Variants in ANKRD28 observed in about 807,000 individuals in gnomAD.
The protein encoded by ANKRD28 is serine/threonine-protein phosphatase 6 regulatory ankyrin repeat subunit A.
ANKRD28 carries 44 observed loss-of-function variants against 126.5 expected under a neutral mutation model. The ratio of observed to expected loss-of-function variants is 0.35; its 90% CI spans 0.27 to 0.45. ANKRD28 has a LOEUF of 0.45. ANKRD28 is among the 20% of genes least tolerant of loss of function. ANKRD28 has a pLI of 1.00. For synonymous variants in ANKRD28, 442 were observed against 468.5 expected, an observed-to-expected ratio of 0.94 and a Z score of 0.73; for missense variants, 1,110 against 1,316.6, an observed-to-expected ratio of 0.84 and a Z score of 2.43.
intron 1 of ANKRD28, among the ~76,000 whole-genome samples, chr3:15,842,620 G>C (rs1468622356): frequency 2.0e-5 from 3 of 152,140 alleles, no homozygotes; most frequent in African/African-American, 7.2e-5. Context: ...AAATGCTTGA[G>C]GTGATGGATA....
intron 2 of ANKRD28, among the ~76,000 whole-genome samples, chr3:15,794,534 G>A (rs771640362): frequency 1.3e-5 from 2 of 151,984 alleles, no homozygotes; most frequent in Non-Finnish European, 2.9e-5. Flanking sequence ...GTTAGAGTAC[G>A]TAATGTACTT....
chr3:15,757,390 A>T (rs1207799514), intron 3 of ANKRD28, among the ~76,000 whole-genome samples: 1 of 152,106 alleles, frequency 6.6e-6, no homozygotes, highest in Non-Finnish European at 1.5e-5. Context: ...CATCCTTATG[A>T]TCCATTTCCA....
intron 18 of ANKRD28, 92 bp downstream of exon 18, chr3:15,689,927 A>T: frequency 8.1e-7 from 1 of 1,227,758 alleles, no homozygotes; most frequent in Non-Finnish European, 1.1e-6. Flanking sequence ...TCAAAATTTT[A>T]AAGACAATTA....
At chr3:15,777,644 A>C (rs1371176977) in intron 2 of ANKRD28, among the ~76,000 whole-genome samples, 2 of 152,174 alleles carry the variant, frequency 1.3e-5, no homozygotes, top group African/African-American at 2.4e-5. Context: ...AAGTACAATT[A>C]AGCTAAACAG....
chr3:15,780,662 T>C (rs2059497968), intron 2 of ANKRD28, among the ~76,000 whole-genome samples: 1 of 152,052 alleles, frequency 6.6e-6, no homozygotes, highest in Admixed American at 6.6e-5. Flanking sequence ...CACTGCTGAT[T>C]TCAAAATATA....
chr3:15,704,233 ATGAC>A (rs2071036975), intron 14 of ANKRD28, among the ~76,000 whole-genome samples: 1 of 152,120 alleles, frequency 6.6e-6, no homozygotes. Context: ...GACTTGCTGA[ATGAC>A]TGTCTACCAA....
chr3:15,726,379 TAAGA>T lies in ANKRD28; in HGVS notation c.641-1859_641-1856del, dbSNP rs370774698. ...GTGCTACCAGTGAATGGACTAATGATAAGAAAGATAAGTGGCCTTACTGATGATA... is the reference window on the plus strand; with the variant it reads ...GTGCTACCAGTGAATGGACTAATGATAAGATAAGTGGCCTTACTGATGATA... On this transcript the variant is annotated intron_variant, in intron 6 of 27. Transcript: ENST00000683139. Among the ~76,000 whole-genome samples, 5 of 152,356 alleles carry T rather than the reference TAAGA, an allele frequency of 3.3e-5. No homozygotes were observed. The South Asian group carries it at 6.2e-4, about 19-fold the overall frequency.
chr3:15,690,714 G>A (rs570339635), intron 17 of ANKRD28, among the ~76,000 whole-genome samples: 95 of 152,190 alleles, frequency 6.2e-4, no homozygotes, highest in African/African-American at 2.2e-3. Context: ...AGAGGTACAC[G>A]TCACCATGCC....
exon 1 of ANKRD28, chr3:15,859,417 G>A (rs1173857209): frequency 5.2e-6 from 8 of 1,524,238 alleles, no homozygotes; most frequent in Non-Finnish European, 7.0e-6. Flanking sequence ...GGTCGCCTCC[G>A]CGCCCACTCC....
At chr3:15,835,640 T>C (rs1283570892) in intron 1 of ANKRD28, among the ~76,000 whole-genome samples, 1 of 152,202 alleles carries the variant, frequency 6.6e-6, no homozygotes, top group Non-Finnish European at 1.5e-5. Flanking sequence ...AGTAAGATAC[T>C]TAGAAATTGA....
At chr3:15,790,241 C>T (rs1022577361) in intron 2 of ANKRD28, among the ~76,000 whole-genome samples, 2 of 151,986 alleles carry the variant, frequency 1.3e-5, no homozygotes, top group Non-Finnish European at 2.9e-5. Flanking sequence ...AATACCAATC[C>T]TACTCAAAAT....
At chr3:15,826,876 T>C (rs2061078522) in intron 1 of ANKRD28, among the ~76,000 whole-genome samples, 1 of 152,132 alleles carries the variant, frequency 6.6e-6, no homozygotes, top group Non-Finnish European at 1.5e-5. Flanking sequence ...ATATTACATA[T>C]ACATACAAAT....
chr3:15,801,966 T>C (rs1477137526), upstream of ANKRD28, among the ~76,000 whole-genome samples: 2 of 152,226 alleles, frequency 1.3e-5, no homozygotes, highest in Non-Finnish European at 2.9e-5. This position sits in a 1 kb window ranked among gnomAD's most constrained non-coding sequence, Gnocchi z 4.9. Flanking sequence ...ACCCTTCCAA[T>C]ATTAATAGTA....
chr3:15,714,532 G>GAAAAAAAA, intron 9 of ANKRD28, 46 bp downstream of exon 9: 1 of 1,083,642 alleles, frequency 9.2e-7, no homozygotes, highest in Non-Finnish European at 1.2e-6. Flanking sequence ...CTACATTTAA[G>GAAAAAAAA]AAAAAAAAAA....
At chr3:15,755,384 G>A (rs190354974) in intron 3 of ANKRD28, among the ~76,000 whole-genome samples, 3 of 152,310 alleles carry the variant, frequency 2.0e-5, no homozygotes, top group African/African-American at 7.2e-5. Context: ...ATGAAAAAGA[G>A]TGTAAAAGCA....
chr3:15,728,554 C>T (rs1380966849), intron 6 of ANKRD28, among the ~76,000 whole-genome samples: 1 of 152,144 alleles, frequency 6.6e-6, no homozygotes, highest in Admixed American at 6.5e-5. Flanking sequence ...GTTGGGCTCC[C>T]AAGATGTTAG....
At chr3:15,785,641 T>A (rs1379855100) in intron 2 of ANKRD28, among the ~76,000 whole-genome samples, 1 of 152,124 alleles carries the variant, frequency 6.6e-6, no homozygotes, top group African/African-American at 2.4e-5. Context: ...ACAGCCACTT[T>A]GACAGGTTTT....
chr3:15,716,726 A>C (rs1272469880), intron 8 of ANKRD28, among the ~76,000 whole-genome samples: 1 of 152,254 alleles, frequency 6.6e-6, no homozygotes, highest in Non-Finnish European at 1.5e-5. Context: ...AATTTGATTA[A>C]CAAAATGATG....
At chr3:15,828,311 T>G (rs1293647130) in intron 1 of ANKRD28, among the ~76,000 whole-genome samples, 1 of 151,974 alleles carries the variant, frequency 6.6e-6, no homozygotes, top group Non-Finnish European at 1.5e-5. Context: ...CAGAGAAACA[T>G]GAAGTTAGGG....
Sources: gnomAD v4.1 joint callset for allele counts (sites outside exome capture counted in the v4.1 genomes callset) on GRCh38, gnomAD v4.1.1 for gene constraint, Gnocchi (gnomAD v3.1) non-coding constraint, MANE v1.5 for transcripts, NCBI Gene and HGNC (gene_info 2026-07-23, HGNC 2026-07-21) for gene names.